Variants in LOC128462377 observed in about 807,000 individuals in gnomAD.
At chr16:89,398,883 G>A in the LOC128462377 span, among the ~76,000 whole-genome samples, 1 of 152,192 alleles carries the variant, frequency 6.6e-6, no homozygotes, top group African/African-American at 2.4e-5. Context: ...GCAGGCACAT[G>A]GCTCAGCTGG....
chr16:89,347,740 A>T, the LOC128462377 span, among the ~76,000 whole-genome samples: 1 of 152,108 alleles, frequency 6.6e-6, no homozygotes, highest in Admixed American at 6.6e-5. Context: ...GTTACTTTTT[A>T]AAAAAGAATA....
the LOC128462377 span, among the ~76,000 whole-genome samples, chr16:89,354,454 C>T: frequency 6.6e-6 from 1 of 152,214 alleles, no homozygotes; most frequent in South Asian, 2.1e-4. Context: ...GCAGAGCCAG[C>T]CCACCTCCCT....
chr16:89,339,515 T>C, the LOC128462377 span, among the ~76,000 whole-genome samples: 775 of 152,368 alleles, frequency 5.1e-3, 5 homozygotes, highest in African/African-American at 0.018. Flanking sequence ...AAGGTGGCTC[T>C]TTCACAAACC....
At chr16:89,401,899 C>T in the LOC128462377 span, among the ~76,000 whole-genome samples, 1 of 151,898 alleles carries the variant, frequency 6.6e-6, no homozygotes, top group Non-Finnish European at 1.5e-5. Context: ...CCAGAGACTC[C>T]CCCATCCCCC....
At chr16:89,378,755 C>CT in the LOC128462377 span, among the ~76,000 whole-genome samples, 398 of 152,200 alleles carry the variant, frequency 2.6e-3, 3 homozygotes, top group African/African-American at 8.8e-3. Flanking sequence ...AATTTTTTGT[C>CT]TGTGTATTTT....
At chr16:89,375,225 G>A in the LOC128462377 span, among the ~76,000 whole-genome samples, 181 of 152,216 alleles carry the variant, frequency 1.2e-3, no homozygotes, top group South Asian at 2.5e-3. Flanking sequence ...TTAAAACACC[G>A]TGTGACACTA....
chr16:89,336,582 C>G, the LOC128462377 span, among the ~76,000 whole-genome samples: 2 of 152,200 alleles, frequency 1.3e-5, no homozygotes, highest in Admixed American at 6.5e-5. Context: ...GAACCCAGCA[C>G]TTCAATGAGA....
At chr16:89,321,884 GCCT>G in the LOC128462377 span, among the ~76,000 whole-genome samples, 11 of 152,180 alleles carry the variant, frequency 7.2e-5, no homozygotes, top group South Asian at 2.3e-3. Context: ...TTCCTCTTCA[GCCT>G]CCTCAACGTG....
the LOC128462377 span, among the ~76,000 whole-genome samples, chr16:89,337,178 C>G: frequency 6.6e-6 from 1 of 151,784 alleles, no homozygotes; most frequent in East Asian, 1.9e-4. Context: ...AGAGTGAGAC[C>G]CTGTCTCAAA....
At chr16:89,395,872 C>A in the LOC128462377 span, 2 of 152,210 alleles carry the variant, frequency 1.3e-5, no homozygotes, top group Admixed American at 6.5e-5. Context: ...ACTGTTTCAA[C>A]GCACTACGTC....
chr16:89,380,649 C>A, the LOC128462377 span, among the ~76,000 whole-genome samples: 2 of 152,200 alleles, frequency 1.3e-5, no homozygotes, highest in Non-Finnish European at 2.9e-5. Context: ...AGGAGACAGG[C>A]TTCTAGATCT....
the LOC128462377 span, among the ~76,000 whole-genome samples, chr16:89,397,930 G>T: frequency 2.0e-5 from 3 of 152,238 alleles, no homozygotes; most frequent in Admixed American, 6.5e-5. Context: ...GGCAACACAG[G>T]ACCCTCAGAC....
chr16:89,337,626 G>C, the LOC128462377 span, among the ~76,000 whole-genome samples: 1 of 151,524 alleles, frequency 6.6e-6, no homozygotes, highest in Admixed American at 6.6e-5. Context: ...TTTTATAGTA[G>C]AGATGGGGTT....
chr16:89,379,557 C>G, the LOC128462377 span, among the ~76,000 whole-genome samples: 1 of 152,208 alleles, frequency 6.6e-6, no homozygotes, highest in Non-Finnish European at 1.5e-5. Flanking sequence ...CGGCTCACTG[C>G]AGCCTCAACC....
chr16:89,322,844 CTTTTG>C, the LOC128462377 span, among the ~76,000 whole-genome samples: 1 of 151,938 alleles, frequency 6.6e-6, no homozygotes, highest in East Asian at 1.9e-4. Flanking sequence ...CTGAAGAGTT[CTTTTG>C]TTTGTTTGTT....
chr16:89,332,662 CACA>C, the LOC128462377 span, among the ~76,000 whole-genome samples: 1 of 152,206 alleles, frequency 6.6e-6, no homozygotes, highest in Non-Finnish European at 1.5e-5. Flanking sequence ...AAACGACAAA[CACA>C]ACGAGAGAGG....
chr16:89,324,431 A>G, the LOC128462377 span: 1 of 471,342 alleles, frequency 2.1e-6, no homozygotes, highest in African/African-American at 2.0e-5. Flanking sequence ...ACTAAAACCA[A>G]GGTAAGTGTG....
At chr16:89,323,262 C>A in the LOC128462377 span, 1 of 1,276,010 alleles carries the variant, frequency 7.8e-7, no homozygotes, top group Non-Finnish European at 1.0e-6. Context: ...GAGCTGCATA[C>A]CTGGCAGGCC....
At chr16:89,351,730 C>T in the LOC128462377 span, among the ~76,000 whole-genome samples, 5 of 152,154 alleles carry the variant, frequency 3.3e-5, no homozygotes, top group Non-Finnish European at 5.9e-5. Flanking sequence ...TCAGAGAGGA[C>T]GCAGAGGCTG....
Sources: allele counts gnomAD v4.1 joint callset (sites outside exome capture counted in the v4.1 genomes callset), GRCh38; gene constraint gnomAD v4.1.1; transcripts MANE v1.5.